Variants in NOC3L observed in about 807,000 individuals in gnomAD.
NOC3L encodes nucleolar complex protein 3 homolog.
In NOC3L, 85 loss-of-function variants were observed where a neutral mutation model predicts 102.5. The ratio of observed to expected loss-of-function variants is 0.83; its 90% CI spans 0.70 to 0.99. The LOEUF (loss-of-function observed/expected upper bound fraction) is 0.99. Among genes scored for constraint, NOC3L ranks in the 50% least tolerant of loss-of-function variants. The pLI is 0.00. For synonymous variants in NOC3L, 303 were observed against 309.4 expected (o/e 0.98, Z 0.22); for missense variants, 878 against 914.9 (o/e 0.96, Z 0.52).
At chr10:94,319,864 C>CTTTTTTTTTTTTTGTTTTT in the NOC3L span, among the ~76,000 whole-genome samples, 1 of 92,914 alleles carries the variant, frequency 1.1e-5, no homozygotes, top group African/African-American at 3.7e-5. Flanking sequence ...CAAAGGTGCT[C>CTTTTTTTTTTTTTGTTTTT]TTTTTTTTTT....
downstream of NOC3L, chr10:94,332,330 G>T (rs181177770): frequency 9.9e-5 from 15 of 152,194 alleles, no homozygotes; most frequent in Admixed American, 8.5e-4. Context: ...TTTCAAAAGC[G>T]TTATGTGGAT....
chr10:94,321,674 G>C, the NOC3L span, among the ~76,000 whole-genome samples: 3 of 150,786 alleles, frequency 2.0e-5, no homozygotes, highest in African/African-American at 7.3e-5. Flanking sequence ...CAGATAAATT[G>C]GCTTGTTATG....
In NOC3L at chr10:94,362,923, G is replaced by C. The variant is rs571080863; in HGVS notation, c.-85C>G. The C allele has an allele frequency of 1.1e-5, 17 of 1,605,650 alleles. No individual in the cohort carries two copies. In the South Asian group the frequency reaches 1.8e-4, roughly 17 times the overall value. ...AATCCCGGGGAATGACACACGTGCC[G>C]AAGTCCCTACACTACCAGAGCCGGA... On this transcript the variant is annotated 5_prime_UTR_variant, in exon 1 of 21. Coordinates refer to ENST00000371361, the MANE Select transcript of NOC3L (RefSeq NM_022451.11).
chr10:94,327,450 C>G, the NOC3L span, among the ~76,000 whole-genome samples: 2 of 149,966 alleles, frequency 1.3e-5, no homozygotes, highest in Non-Finnish European at 3.0e-5. Context: ...ATAAAAATTC[C>G]TGTAGTCCCA....
chr10:94,353,036 G>C lies in NOC3L; in HGVS notation c.718C>G (p.Arg240Gly). ...ENNIKKLKEL[R>G]SMLMEQDPDV... The stretch of plus-strand genomic sequence containing the variant: ...GGATCTTGTTCCATCAACATAGAAC[G>C]TAATTCTTTCAATTTTTTAATCTGT... Residue 240 changes from arginine to glycine, a missense_variant, in exon 7 of 21, where the codon CGT (arginine) becomes GGT (glycine). By Grantham distance (125) the Arg-to-Gly change is moderately radical. Coordinates refer to ENST00000371361, the MANE Select transcript of NOC3L (RefSeq NM_022451.11). The C allele has an allele frequency of 2.5e-6, 4 of 1,603,976 alleles. No homozygotes were observed. Among genetic ancestry groups the C allele is most frequent in the Non-Finnish European group, 3.4e-6 (4 of 1,177,240 alleles).
intron 17 of NOC3L, 70 bp from the exon 18 acceptor site, chr10:94,338,806 T>G: frequency 7.5e-7 from 1 of 1,340,688 alleles, no homozygotes; most frequent in Non-Finnish European, 1.0e-6. Flanking sequence ...TACTGGTTTG[T>G]AGTTGTATTT....
At chr10:94,347,708 G>C (rs928944765) in intron 10 of NOC3L, among the ~76,000 whole-genome samples, 2 of 151,986 alleles carry the variant, frequency 1.3e-5, no homozygotes, top group Non-Finnish European at 2.9e-5. Context: ...AAATATCTAA[G>C]ACCTCAGTGA....
At chr10:94,324,813 C>A in the NOC3L span, 1 of 1,378,342 alleles carries the variant, frequency 7.3e-7, no homozygotes, top group African/African-American at 1.4e-5. Flanking sequence ...AAGAGGAAAG[C>A]GCTCTTCTGA....
At position 94,346,425 on chromosome 10, in the gene NOC3L, C is replaced by A; in HGVS notation, c.1389G>T (p.Lys463Asn). ...KRKSLSRMQR[K>N]WKKAEEKLER... is the part of the protein sequence containing the mutation. ...AAACAAAAGGGGAAATAAGTCAAAC[C>A]TTTCTCTGCATTCTTGATAGAGATT... Residue 463 changes from lysine (K) to asparagine (N), a missense_variant and splice_region_variant, in exon 11 of 21, where the codon AAG (lysine) becomes AAT (asparagine). Transcript: ENST00000371361. 1.3e-6 allele frequency: 2 copies of A among 1,484,746 alleles called. No homozygotes were observed. The highest frequency in any genetic ancestry group is 2.5e-5 in the Admixed American group (1 of 39,598). The allele number at this position is 1,484,746 out of a possible 1,614,324, so 92.0% of individuals were successfully genotyped here.
chr10:94,326,193 T>C, the NOC3L span, among the ~76,000 whole-genome samples: 5 of 152,220 alleles, frequency 3.3e-5, no homozygotes, highest in African/African-American at 1.2e-4. Flanking sequence ...AGTGAAAGCA[T>C]TGCTGTTTAT....
intron 6 of NOC3L, 130 bp downstream of exon 6, chr10:94,354,833 T>C (rs1178780513): frequency 1.2e-6 from 1 of 860,524 alleles, no homozygotes; most frequent in Non-Finnish European, 1.8e-6. Flanking sequence ...TCTCTTACTC[T>C]AACCCAGCTA....
chr10:94,345,949 A>G (rs2054337582), intron 11 of NOC3L, among the ~76,000 whole-genome samples: 1 of 152,188 alleles, frequency 6.6e-6, no homozygotes. Context: ...GGTAGGTACT[A>G]TTATTAGCCC....
chr10:94,340,898 G>A (rs1382723299), intron 14 of NOC3L, among the ~76,000 whole-genome samples: 2 of 150,736 alleles, frequency 1.3e-5, no homozygotes, highest in Non-Finnish European at 1.5e-5. Context: ...GGAGAATGGT[G>A]TGAACCCGGG....
chr10:94,323,018 CACTT>C, the NOC3L span, among the ~76,000 whole-genome samples: 20 of 152,156 alleles, frequency 1.3e-4, no homozygotes, highest in Non-Finnish European at 2.9e-5. Context: ...CTTCAACAGA[CACTT>C]AGTATCTACA....
At chr10:94,324,074 A>C in the NOC3L span, among the ~76,000 whole-genome samples, 2 of 152,310 alleles carry the variant, frequency 1.3e-5, no homozygotes, top group African/African-American at 4.8e-5. Flanking sequence ...ATATCCTGGA[A>C]TCTACTTAAC....
the NOC3L span, among the ~76,000 whole-genome samples, chr10:94,322,556 G>A: frequency 1.4e-4 from 21 of 152,224 alleles, no homozygotes; most frequent in South Asian, 4.1e-3. Flanking sequence ...GGGCCAAGGC[G>A]GGTGGATTGC....
At chr10:94,348,056 C>T (rs1443886755) in intron 10 of NOC3L, among the ~76,000 whole-genome samples, 6 of 150,850 alleles carry the variant, frequency 4.0e-5, no homozygotes, top group African/African-American at 1.5e-4. Context: ...AATTAAGCAG[C>T]ATTTTATATC....
intron 2 of NOC3L, among the ~76,000 whole-genome samples, chr10:94,359,955 C>T (rs1212000164): frequency 6.6e-6 from 1 of 152,200 alleles, no homozygotes; most frequent in Non-Finnish European, 1.5e-5. Context: ...CTCCCATGTT[C>T]ATTCAGCACT....
intron 9 of NOC3L, among the ~76,000 whole-genome samples, chr10:94,349,723 A>G (rs2054392067): frequency 6.6e-6 from 1 of 151,698 alleles, no homozygotes; most frequent in African/African-American, 2.4e-5. Flanking sequence ...TGTAGGGGGA[A>G]AAAAATCACA....
Sources: gnomAD v4.1 joint callset for allele counts (sites outside exome capture counted in the v4.1 genomes callset) on GRCh38, gnomAD v4.1.1 for gene constraint, MANE v1.5 for transcripts, NCBI Gene and HGNC (gene_info 2026-07-23, HGNC 2026-07-21) for gene names.